FAM83A: variants seen among roughly 807,000 people sequenced by gnomAD.
FAM83A encodes scaffolding CK1 anchoring protein A.
Under a neutral mutation model 24.4 loss-of-function variants are expected in FAM83A, and 21 were observed. The observed-to-expected ratio is 0.86, with a 90% CI of 0.61 to 1.24. The LOEUF is 1.24. FAM83A is among the 50% of genes most tolerant of loss of function. FAM83A has a pLI of 0.00. For missense variants in FAM83A, 617 were observed against 579.8 expected, an observed-to-expected ratio of 1.06 and a Z score of -0.66; for synonymous variants, 270 against 252.4, an observed-to-expected ratio of 1.07 and a Z score of -0.66.
chr8:123,186,745 G>A lies in FAM83A; in HGVS notation c.480+3409G>A, dbSNP rs571877302. On this transcript the variant is annotated intron_variant, in intron 1 of 3. Transcript: ENST00000690554. ...CTCAGGAGACTGAATCAGGAGAATC[G>A]CTTGAACCTGGGAGGCGGAGGCTGC... Among the ~76,000 whole-genome samples, 8 of 152,280 alleles carry A rather than the reference G, an allele frequency of 5.3e-5. No homozygotes were observed. The East Asian group carries it at 1.3e-3, about 26-fold the overall frequency.
chr8:123,185,089 G>C (rs1823747127), intron 1 of FAM83A, among the ~76,000 whole-genome samples: 1 of 152,202 alleles, frequency 6.6e-6, no homozygotes, highest in African/African-American at 2.4e-5. Flanking sequence ...AGTATTTCAT[G>C]TTTCTGTGGC....
rs564672478 is a variant in FAM83A at position 123,197,343 on chromosome 8, G to T, written c.773+3195G>T. Among the ~76,000 whole-genome samples, 10 of 152,306 alleles carry T rather than the reference G, an allele frequency of 6.6e-5. No homozygotes were observed. In the South Asian group the frequency reaches 2.1e-3, roughly 32 times the overall value. On this transcript the variant is annotated intron_variant, in intron 3 of 3. Coordinates refer to ENST00000690554, the Ensembl canonical transcript of FAM83A. The stretch of plus-strand genomic sequence containing the variant: ...ACCTTCCTTCCCAGCTTGCCTTGAG[G>T]TCTGGAATGTCCTTCATAGCACCGA...
chr8:123,191,447 T>C lies in FAM83A; in HGVS notation c.481-356T>C, dbSNP rs984770674. On this transcript the variant is annotated intron_variant, in intron 1 of 3. Transcript: ENST00000690554. Reference sequence around the variant, plus strand: ...GGCTGAGAATCCATAACCTTAACTTTATTCCTCTTCTGGAACCGGTTGAGA... The same window carrying C: ...GGCTGAGAATCCATAACCTTAACTTCATTCCTCTTCTGGAACCGGTTGAGA... 2.0e-5 allele frequency among the ~76,000 whole-genome samples: 3 copies of C among 152,228 alleles called. No individual in the cohort carries two copies. In the East Asian group the frequency reaches 5.8e-4, roughly 29 times the overall value.
chr8:123,207,758 A>T (rs542025869), exon 4 of FAM83A: 5 of 1,410,104 alleles, frequency 3.5e-6, no homozygotes, highest in Non-Finnish European at 4.6e-6. Context: ...GACCCACCTC[A>T]ACGACGAGTG....
exon 4 of FAM83A, chr8:123,207,291 G>T: frequency 6.2e-7 from 1 of 1,612,428 alleles, no homozygotes; most frequent in Non-Finnish European, 8.5e-7. Context: ...AAGTCCCCGC[G>T]GCTGGTCGCC....
chr8:123,187,855 TA>T (rs1659898674), intron 1 of FAM83A, among the ~76,000 whole-genome samples: 1 of 151,570 alleles, frequency 6.6e-6, no homozygotes, highest in South Asian at 2.1e-4. Context: ...TTTTATTTTT[TA>T]TTTTTTTATT....
chr8:123,196,168 C>T (rs1012576469), intron 3 of FAM83A, among the ~76,000 whole-genome samples: 6 of 152,180 alleles, frequency 3.9e-5, no homozygotes, highest in Admixed American at 2.6e-4. Context: ...CCCGCCACCA[C>T]GCTCGGCTAA....
At chr8:123,187,189 C>T (rs1374811275) in intron 1 of FAM83A, among the ~76,000 whole-genome samples, 2 of 152,014 alleles carry the variant, frequency 1.3e-5, no homozygotes, top group Non-Finnish European at 1.5e-5. Context: ...GGTGATGGGA[C>T]CAGAGCTTGG....
At position 123,182,900 on chromosome 8, in the gene FAM83A, A is replaced by G. The variant is rs141153009; in HGVS notation, c.44A>G (p.Glu15Gly). 1.2e-4 allele frequency: 177 copies of G among 1,533,450 alleles called. 4 individuals carry two copies. The East Asian group carries it at 1.3e-3, about 11-fold the overall frequency. The allele number at this position is 1,533,450 out of a possible 1,614,324, so 95.0% of individuals were successfully genotyped here. A position where few individuals can be genotyped will look rare whatever the true frequency, so the allele number is the denominator to read the frequency against. Residue 15 changes from glutamate to glycine, a missense_variant, in exon 1 of 4, where the codon GAA (glutamate) becomes GGA (glycine). Transcript: ENST00000690554. ...CTGGGCAAAATCCGGAAGCGTCTGG[A>G]AGATGTCAAGAGCCAGTGGGTCCGG...
intron 1 of FAM83A, among the ~76,000 whole-genome samples, chr8:123,191,050 T>C (rs1427587780): frequency 6.6e-6 from 1 of 152,214 alleles, no homozygotes; most frequent in Non-Finnish European, 1.5e-5. Flanking sequence ...CTTGGTCATG[T>C]GGTCTCCCCA....
chr8:123,191,556 A>G (rs1823974652), intron 1 of FAM83A, among the ~76,000 whole-genome samples: 1 of 152,094 alleles, frequency 6.6e-6, no homozygotes, highest in Non-Finnish European at 1.5e-5. Context: ...CACAATGGGC[A>G]TAGGGGCCAA....
intron 1 of FAM83A, among the ~76,000 whole-genome samples, chr8:123,184,774 T>C (rs943866884): frequency 4.6e-5 from 7 of 152,220 alleles, no homozygotes; most frequent in Admixed American, 2.6e-4. Flanking sequence ...ATTCATCATC[T>C]GTAAAATCCT....
intron 3 of FAM83A, among the ~76,000 whole-genome samples, chr8:123,203,082 C>T (rs892789587): frequency 3.3e-5 from 5 of 151,996 alleles, no homozygotes; most frequent in African/African-American, 1.2e-4. Context: ...AAAATAACTC[C>T]CCGTATGTAA....
chr8:123,209,590 C>G lies in FAM83A; in HGVS notation c.*1902C>G. The G allele has an allele frequency of 1.2e-6, 2 of 1,605,376 alleles. No individual in the cohort carries two copies. Among genetic ancestry groups the G allele is most frequent in the Non-Finnish European group, 8.5e-7 (1 of 1,173,250 alleles). On this transcript the variant is annotated 3_prime_UTR_variant, in exon 4 of 4. Transcript: ENST00000690554. The surrounding 1 kb of genome is among the most constrained non-coding windows in gnomAD (Gnocchi z 4.7). Reference sequence around the variant, plus strand: ...AACATTCCAAATTGGATTTCACCATCTGCTGAGAAAGTTTAAGGAAGGCAA... The same window carrying G: ...AACATTCCAAATTGGATTTCACCATGTGCTGAGAAAGTTTAAGGAAGGCAA...
upstream of FAM83A, chr8:123,179,809 C>T (rs1000610196): frequency 1.3e-5 from 2 of 152,132 alleles, no homozygotes; most frequent in Non-Finnish European, 2.9e-5. Flanking sequence ...CTACAGGATA[C>T]TCACCTCTGT....
chr8:123,196,231 C>G (rs955927900), intron 3 of FAM83A, among the ~76,000 whole-genome samples: 1 of 152,166 alleles, frequency 6.6e-6, no homozygotes, highest in South Asian at 2.1e-4. Context: ...ATACTGGTCT[C>G]GAACTACTGA....
At chr8:123,189,853 GCATGTCCTCAA>G (rs1362264501) in intron 1 of FAM83A, among the ~76,000 whole-genome samples, 1 of 152,124 alleles carries the variant, frequency 6.6e-6, no homozygotes, top group Admixed American at 6.5e-5. Flanking sequence ...ACTTCCTCGG[GCATGTCCTCAA>G]CCTTGGCAAA....
intron 3 of FAM83A, among the ~76,000 whole-genome samples, chr8:123,205,400 G>A (rs908217224): frequency 1.3e-5 from 2 of 152,232 alleles, no homozygotes; most frequent in Non-Finnish European, 2.9e-5. Context: ...GTCCCGTGGC[G>A]GGGCTGGCGC....
chr8:123,187,850 T>C (rs983730928), intron 1 of FAM83A, among the ~76,000 whole-genome samples: 1 of 151,448 alleles, frequency 6.6e-6, no homozygotes, highest in African/African-American at 2.4e-5. Context: ...TTTATTTTTA[T>C]TTTTTATTTT....
Sources: gnomAD v4.1 joint callset for allele counts (sites outside exome capture counted in the v4.1 genomes callset) on GRCh38, gnomAD v4.1.1 for gene constraint, Gnocchi (gnomAD v3.1) non-coding constraint, MANE v1.5 for transcripts, NCBI Gene and HGNC (gene_info 2026-07-23, HGNC 2026-07-21) for gene names.